LYRM7: variants seen among roughly 807,000 people sequenced by gnomAD.
LYRM7 encodes LYR motif containing 7.
LYRM7 carries 9 observed loss-of-function variants against 15.8 expected under a neutral mutation model. That is an observed-to-expected ratio of 0.57 (90% confidence interval 0.34 to 0.99). The LOEUF (loss-of-function observed/expected upper bound fraction) is 0.99, where lower values mean the gene tolerates loss of function less well. LYRM7 is among the 50% of genes least tolerant of loss of function. The probability of loss-of-function intolerance (pLI) is 0.02; values close to 1 mark genes in which losing one functional copy is unlikely to be tolerated. For missense variants in LYRM7, 115 were observed against 119.1 expected, an observed-to-expected ratio of 0.97 and a Z score of 0.16; for synonymous variants, 39 against 39.4, an observed-to-expected ratio of 0.99 and a Z score of 0.04.
At chr5:131,181,859 G>A (rs1755718721) in intron 2 of LYRM7, among the ~76,000 whole-genome samples, 1 of 152,014 alleles carries the variant, frequency 6.6e-6, no homozygotes, top group Admixed American at 6.6e-5. Flanking sequence ...ATACTTGTAT[G>A]TATTGAATTT....
At chr5:131,186,978 C>T in intron 3 of LYRM7, 50 bp from the exon 4 acceptor site, 1 of 1,019,650 alleles carries the variant, frequency 9.8e-7, no homozygotes, top group Non-Finnish European at 1.5e-6. Flanking sequence ...ACAGTACATT[C>T]ATATGAAACA....
chr5:131,181,300 A>ATATATATAT (rs1441850768), intron 2 of LYRM7, among the ~76,000 whole-genome samples: 3 of 11,066 alleles, frequency 2.7e-4, no homozygotes, highest in African/African-American at 6.0e-4. Flanking sequence ...AAAAAAAAAA[A>ATATATATAT]AAATATATAT....
intron 2 of LYRM7, 91 bp from the exon 3 acceptor site, chr5:131,182,138 G>C (rs1398019404): frequency 9.0e-7 from 1 of 1,111,088 alleles, no homozygotes; most frequent in Non-Finnish European, 1.2e-6. Flanking sequence ...TAGTAGAGAA[G>C]TAGCCATTCA....
chr5:131,186,963 CA>C, intron 3 of LYRM7, 64 bp from the exon 4 acceptor site: 1 of 908,750 alleles, frequency 1.1e-6, no homozygotes, highest in Non-Finnish European at 1.7e-6. Context: ...CTATCGTTTT[CA>C]AAAACAGTAC....
chr5:131,195,254 C>A (rs2149665670), intron 4 of LYRM7, among the ~76,000 whole-genome samples: 1 of 151,990 alleles, frequency 6.6e-6, no homozygotes, highest in South Asian at 2.1e-4. Flanking sequence ...GGGCGACAGA[C>A]AGAGCAAGGT....
intron 1 of LYRM7, among the ~76,000 whole-genome samples, chr5:131,175,438 A>C (rs1755586700): frequency 6.6e-6 from 1 of 151,902 alleles, no homozygotes; most frequent in Non-Finnish European, 1.5e-5. Context: ...ACCTCAGGTG[A>C]TCTGCCTGCC....
intron 3 of LYRM7, among the ~76,000 whole-genome samples, chr5:131,182,521 C>T (rs984368340): frequency 6.6e-6 from 1 of 152,118 alleles, no homozygotes; most frequent in African/African-American, 2.4e-5. Context: ...ATGGAAATAG[C>T]CATGATCAAA....
chr5:131,180,075 A>T lies in LYRM7; in HGVS notation c.19-20A>T, dbSNP rs1252030281. 3 of 1,584,314 alleles carry T rather than the reference A, an allele frequency of 1.9e-6. No homozygotes were observed. The Admixed American group carries it at 5.0e-5, about 27-fold the overall frequency. On this transcript the variant is annotated intron_variant, in intron 1 of 4. Transcript: ENST00000379380. ...GCATGAGCCACTGTGCCCAACCTTG[A>T]ATTCTGATTTTCTTAACAGGTTTTA...
chr5:131,201,431 TC>T lies in LYRM7; in HGVS notation c.*1832del, dbSNP rs1756063786. On this transcript the variant is annotated 3_prime_UTR_variant, in exon 5 of 5. Transcript: ENST00000379380. ...ACTACACAATAAAGTTCCTGAAAGT[TC>T]CTGGCTGGGCGCAGTGGCTCACGCC... 6.6e-6 allele frequency: 1 copy of T among 152,136 alleles called. No homozygotes were observed. Among genetic ancestry groups the T allele is most frequent in the Non-Finnish European group, 1.5e-5 (1 of 68,154 alleles). The allele number at this position is 152,136 out of a possible 1,614,324, so 9.4% of individuals were successfully genotyped here. A position where few individuals can be genotyped will look rare whatever the true frequency, so the allele number is the denominator to read the frequency against.
chr5:131,173,291 C>T (rs1252522773), intron 1 of LYRM7, among the ~76,000 whole-genome samples: 1 of 152,202 alleles, frequency 6.6e-6, no homozygotes, highest in African/African-American at 2.4e-5. Context: ...TAGATACAGG[C>T]ATACCTAGGT....
intron 4 of LYRM7, among the ~76,000 whole-genome samples, chr5:131,192,178 C>G (rs1002542017): frequency 6.6e-5 from 10 of 151,956 alleles, no homozygotes; most frequent in Non-Finnish European, 1.0e-4. Context: ...ATAAGCCAGG[C>G]ACAGAACGAC....
chr5:131,197,882 G>A (rs902155036), intron 4 of LYRM7, among the ~76,000 whole-genome samples: 1 of 125,140 alleles, frequency 8.0e-6, no homozygotes. Flanking sequence ...GTGTGTGTGT[G>A]TGTAAATATA....
rs1003182041 is a variant in LYRM7, at chr5:131,184,648, G to A, written c.162+2349G>A. 2.9e-4 allele frequency among the ~76,000 whole-genome samples: 43 copies of A among 150,122 alleles called. 2 individuals are homozygous for A. Among genetic ancestry groups the A allele is most frequent in the African/African-American group, 6.0e-4 (24 of 39,922 alleles). ...AATGGAATTTTTTTTGGCGGGGGGG[G>A]GGTTCCAGGATTCATGCAGACCACC... is the stretch of plus-strand genomic sequence containing the variant. On this transcript the variant is annotated intron_variant, in intron 3 of 4. Transcript: ENST00000379380.
At chr5:131,182,524 T>C (rs910169318) in intron 3 of LYRM7, among the ~76,000 whole-genome samples, 13 of 152,112 alleles carry the variant, frequency 8.5e-5, no homozygotes, top group African/African-American at 2.9e-4. Context: ...GAAATAGCCA[T>C]GATCAAAGCC....
chr5:131,180,383 A>C (rs1755672574), intron 2 of LYRM7, among the ~76,000 whole-genome samples: 1 of 142,380 alleles, frequency 7.0e-6, no homozygotes, highest in East Asian at 1.9e-4. Context: ...AGAGTTGGTC[A>C]AAAAAAAAGG....
chr5:131,184,004 C>T (rs372433640), intron 3 of LYRM7, among the ~76,000 whole-genome samples: 63 of 152,128 alleles, frequency 4.1e-4, no homozygotes, highest in African/African-American at 1.4e-3. Flanking sequence ...GAGTTTCGCT[C>T]TTGTTGCCCA....
In LYRM7 at chr5:131,200,226, G is replaced by T. The variant is rs1436921374; in HGVS notation, c.*625G>T. ...GAATAAAATATTATAGTCACCTAGGGTCACTATGGAATAAAGAAATCCTAG... is the reference window on the plus strand; with the variant it reads ...GAATAAAATATTATAGTCACCTAGGTTCACTATGGAATAAAGAAATCCTAG... On this transcript the variant is annotated 3_prime_UTR_variant, in exon 5 of 5. Coordinates refer to ENST00000379380, the MANE Select transcript of LYRM7 (RefSeq NM_181705.4). 6.6e-6 allele frequency: 1 copy of T among 152,238 alleles called. No homozygotes were observed. The highest frequency in any genetic ancestry group is 2.4e-5 in the African/African-American group (1 of 41,414). 9.4% of individuals were successfully genotyped at this position (152,238 alleles called of 1,614,324 possible).
rs547815612 is a variant in LYRM7 at position 131,205,125 on chromosome 5, T to C, written c.*5524T>C. 20 of 152,436 alleles carry C rather than the reference T, an allele frequency of 1.3e-4. No homozygotes were observed. Among genetic ancestry groups the C allele is most frequent in the African/African-American group, 4.8e-4 (20 of 41,590 alleles). 9.4% of individuals were successfully genotyped at this position (152,436 alleles called of 1,614,324 possible). On this transcript the variant is annotated 3_prime_UTR_variant, in exon 5 of 5. Transcript: ENST00000379380. ...CATGTTTGTTTAAAGGTCTAAGTCA[T>C]AAAATCTTATAAAGCTAAACCCCAC...
chr5:131,196,494 A>C (rs1043004735), intron 4 of LYRM7, among the ~76,000 whole-genome samples: 1 of 151,416 alleles, frequency 6.6e-6, no homozygotes, highest in Non-Finnish European at 1.5e-5. Flanking sequence ...CTGAGCTGGC[A>C]CTCTCCTTTT....
Sources: gnomAD v4.1 joint callset for allele counts (sites outside exome capture counted in the v4.1 genomes callset) on GRCh38, gnomAD v4.1.1 for gene constraint, MANE v1.5 for transcripts, NCBI Gene and HGNC (gene_info 2026-07-23, HGNC 2026-07-21) for gene names.